Variants in ZNF277 observed in about 807,000 individuals in gnomAD.
ZNF277 encodes the protein nuclear receptor-interacting factor 4.
ZNF277 carries 55 observed loss-of-function variants against 60.7 expected under a neutral mutation model. The observed-to-expected ratio is 0.91, with a 90% CI of 0.73 to 1.13. The LOEUF is 1.13. ZNF277 is among the 50% of genes most tolerant of loss of function. The pLI is 0.00. For synonymous variants in ZNF277, 178 were observed against 179.3 expected, an observed-to-expected ratio of 0.99 and a Z score of 0.06; for missense variants, 510 against 523.0, an observed-to-expected ratio of 0.98 and a Z score of 0.24.
At chr7:112,253,943 G>A (rs1286635615) in intron 1 of ZNF277, among the ~76,000 whole-genome samples, 1 of 151,986 alleles carries the variant, frequency 6.6e-6, no homozygotes, top group Admixed American at 6.6e-5. Context: ...TCATTCACTT[G>A]TGTACTGATG....
chr7:112,312,688 T>A (rs897002727), intron 4 of ZNF277, among the ~76,000 whole-genome samples: 1 of 152,130 alleles, frequency 6.6e-6, no homozygotes, highest in Non-Finnish European at 1.5e-5. Flanking sequence ...AATTGTACTG[T>A]TGATTTAACT....
intron 1 of ZNF277, among the ~76,000 whole-genome samples, chr7:112,276,436 A>G (rs1257199587): frequency 1.3e-5 from 2 of 152,190 alleles, no homozygotes; most frequent in Non-Finnish European, 2.9e-5. Context: ...CTTAACACCT[A>G]AAACAGAGTT....
intron 10 of ZNF277, among the ~76,000 whole-genome samples, chr7:112,340,591 G>A (rs981545058): frequency 5.3e-5 from 8 of 152,166 alleles, no homozygotes; most frequent in Non-Finnish European, 4.4e-5. Context: ...TGCGATGCTA[G>A]GCAGTTTCCT....
intron 4 of ZNF277, among the ~76,000 whole-genome samples, chr7:112,309,584 T>C (rs1792675442): frequency 6.6e-6 from 1 of 151,810 alleles, no homozygotes; most frequent in Non-Finnish European, 1.5e-5. Context: ...ATGTTGTTTT[T>C]TCTATTAATC....
At chr7:112,225,648 G>A (rs1822155376) in intron 1 of ZNF277, among the ~76,000 whole-genome samples, 1 of 152,044 alleles carries the variant, frequency 6.6e-6, no homozygotes, top group Non-Finnish European at 1.5e-5. Context: ...ATATTTACAT[G>A]TTCTTGGAGC....
intron 1 of ZNF277, among the ~76,000 whole-genome samples, chr7:112,246,247 G>T (rs538985689): frequency 6.6e-6 from 1 of 152,162 alleles, no homozygotes; most frequent in Admixed American, 6.5e-5. Context: ...AATTAGCCAG[G>T]CATGATGGTA....
At chr7:112,261,885 T>A (rs546808766) in intron 1 of ZNF277, among the ~76,000 whole-genome samples, 2 of 152,194 alleles carry the variant, frequency 1.3e-5, no homozygotes, top group Non-Finnish European at 2.9e-5. Context: ...AAGTTCATTA[T>A]TGGTTTTTAA....
chr7:112,244,800 C>G (rs937432272), intron 1 of ZNF277, among the ~76,000 whole-genome samples: 9 of 152,032 alleles, frequency 5.9e-5, no homozygotes, highest in Non-Finnish European at 1.0e-4. Flanking sequence ...CCTACACTTT[C>G]TGTTTGTAAC....
chr7:112,308,185 G>A (rs190624250), intron 4 of ZNF277, among the ~76,000 whole-genome samples: 3 of 152,026 alleles, frequency 2.0e-5, no homozygotes, highest in Non-Finnish European at 2.9e-5. Context: ...AGGGCTTGGC[G>A]TCTGCTAACA....
chr7:112,329,822 A>T (rs1481757290), intron 6 of ZNF277, among the ~76,000 whole-genome samples: 1 of 152,158 alleles, frequency 6.6e-6, no homozygotes, highest in Non-Finnish European at 1.5e-5. Context: ...AACCAAAATA[A>T]TTTTTGGATA....
intron 1 of ZNF277, among the ~76,000 whole-genome samples, chr7:112,241,407 G>A (rs189818177): frequency 6.6e-5 from 10 of 152,202 alleles, no homozygotes; most frequent in Non-Finnish European, 1.2e-4. Flanking sequence ...CGTACACTGT[G>A]GGAACATAAA....
At chr7:112,332,345 T>G (rs1325589665) in intron 7 of ZNF277, among the ~76,000 whole-genome samples, 1 of 152,156 alleles carries the variant, frequency 6.6e-6, no homozygotes, top group African/African-American at 2.4e-5. Context: ...AAGCCTCTTA[T>G]AGGTAAGGGG....
At chr7:112,238,616 G>A (rs1233276316) in intron 1 of ZNF277, among the ~76,000 whole-genome samples, 1 of 152,012 alleles carries the variant, frequency 6.6e-6, no homozygotes, top group Non-Finnish European at 1.5e-5. Context: ...CCAACCCTAT[G>A]CATCACAGTT....
chr7:112,338,722 A>G (rs577181780), intron 9 of ZNF277, among the ~76,000 whole-genome samples: 17 of 152,362 alleles, frequency 1.1e-4, no homozygotes, highest in African/African-American at 3.8e-4. Context: ...GTATGTGTGT[A>G]TAATTTCCTG....
intron 5 of ZNF277, among the ~76,000 whole-genome samples, chr7:112,327,388 T>G (rs189133189): frequency 6.6e-6 from 1 of 152,106 alleles, no homozygotes; most frequent in Non-Finnish European, 1.5e-5. Context: ...ATGCTCACTT[T>G]CCCGCCTCTC....
intron 1 of ZNF277, among the ~76,000 whole-genome samples, chr7:112,242,457 G>A (rs1302434607): frequency 6.6e-6 from 1 of 151,108 alleles, no homozygotes; most frequent in East Asian, 1.9e-4. Flanking sequence ...TACAGTTGCA[G>A]GATGTTAAGT....
chr7:112,228,454 C>CTTTTTTTTT (rs71150013), intron 1 of ZNF277, among the ~76,000 whole-genome samples: 1 of 36,378 alleles, frequency 2.7e-5, no homozygotes. Flanking sequence ...GAGGAGAGGC[C>CTTTTTTTTT]TTTTTTTTTT....
At chr7:112,278,266 A>T (rs1791859179) in intron 1 of ZNF277, among the ~76,000 whole-genome samples, 1 of 152,230 alleles carries the variant, frequency 6.6e-6, no homozygotes, top group Non-Finnish European at 1.5e-5. Context: ...AAGTAGGCTT[A>T]TTCTGTTTTA....
chr7:112,240,540 C>T (rs982658265), intron 1 of ZNF277, among the ~76,000 whole-genome samples: 1 of 152,048 alleles, frequency 6.6e-6, no homozygotes, highest in African/African-American at 2.4e-5. Context: ...AAAATATATA[C>T]ACATACTATG....
Sources: gnomAD v4.1 joint callset for allele counts (sites outside exome capture counted in the v4.1 genomes callset) on GRCh38, gnomAD v4.1.1 for gene constraint, MANE v1.5 for transcripts, NCBI Gene and HGNC (gene_info 2026-07-23, HGNC 2026-07-21) for gene names.